The following CNTN6 variants were observed in gnomAD, a reference collection of about 807,000 sequenced individuals.
The protein encoded by CNTN6 is contactin 6, also known as contactin-6.
In CNTN6, 137 loss-of-function variants were observed where a neutral mutation model predicts 122.8. The ratio of observed to expected loss-of-function variants is 1.12; its 90% confidence interval spans 0.97 to 1.29. The LOEUF (loss-of-function observed/expected upper bound fraction) is 1.29, where lower values mean the gene tolerates loss of function less well. CNTN6 is among the 50% of genes most tolerant of loss of function. The pLI is 0.00. For synonymous variants in CNTN6, 570 were observed against 426.0 expected, an observed-to-expected ratio of 1.34 and a Z score of -4.16; for missense variants, 1,634 against 1,223.4, an observed-to-expected ratio of 1.34 and a Z score of -5.01.
chr3:1,189,454 T>C (rs2093671189), intron 2 of CNTN6, among the ~76,000 whole-genome samples: 1 of 152,228 alleles, frequency 6.6e-6, no homozygotes, highest in Admixed American at 6.5e-5. Context: ...TTTGCAGAAG[T>C]TGATAACGCA....
chr3:1,328,105 G>A (rs1008240119), intron 10 of CNTN6, among the ~76,000 whole-genome samples: 5 of 149,282 alleles, frequency 3.3e-5, no homozygotes, highest in Non-Finnish European at 7.5e-5. Flanking sequence ...GCAGAAGAGC[G>A]AGGTTACAGA....
rs936238257 is a variant in CNTN6, at chr3:1,250,737, T to A, written c.358+22744T>A. ...AAACCAAAATCAATAATTAGCAAAATCTTTGCACACTTAAAGTTTTCCCTG... is the reference window on the plus strand; with the variant it reads ...AAACCAAAATCAATAATTAGCAAAAACTTTGCACACTTAAAGTTTTCCCTG... On this transcript the variant is annotated intron_variant, in intron 4 of 22. Coordinates refer to ENST00000446702, the MANE Select transcript of CNTN6 (RefSeq NM_001289080.2). Among the ~76,000 whole-genome samples the A allele has an allele frequency of 3.9e-5, 6 of 152,232 alleles. No individual in the cohort carries two copies. In the East Asian group the frequency reaches 1.2e-3, roughly 29 times the overall value.
chr3:1,213,436 G>A (rs1307057014), intron 2 of CNTN6, among the ~76,000 whole-genome samples: 4 of 151,540 alleles, frequency 2.6e-5, no homozygotes, highest in Non-Finnish European at 4.4e-5. Context: ...TACCATCTCA[G>A]CGTATTTATT....
chr3:1,262,162 C>T (rs559797507), intron 4 of CNTN6, among the ~76,000 whole-genome samples: 2 of 152,058 alleles, frequency 1.3e-5, no homozygotes, highest in Non-Finnish European at 2.9e-5. Context: ...TACAGATGTG[C>T]GGCATTAAAC....
chr3:1,178,091 G>A (rs1158771276), intron 2 of CNTN6, among the ~76,000 whole-genome samples: 1 of 151,934 alleles, frequency 6.6e-6, no homozygotes, highest in Non-Finnish European at 1.5e-5. Flanking sequence ...AGTAGAGGCA[G>A]GGTTTCACCA....
chr3:1,202,403 G>A lies in CNTN6; in HGVS notation c.56-18284G>A, dbSNP rs967928495. On this transcript the variant is annotated intron_variant, in intron 2 of 22. Coordinates refer to ENST00000446702, the MANE Select transcript of CNTN6 (RefSeq NM_001289080.2). ...AAAATACAAGAAATCAGCCGGGCGT[G>A]GTGGCGGGCGCCTGTAGTCCCAGCT... Among the ~76,000 whole-genome samples, 8 of 149,362 alleles carry A rather than the reference G, an allele frequency of 5.4e-5. No individual in the cohort carries two copies. In the East Asian group the frequency reaches 5.8e-4, roughly 11 times the overall value.
At chr3:1,181,743 G>A (rs2093557442) in intron 2 of CNTN6, among the ~76,000 whole-genome samples, 1 of 152,122 alleles carries the variant, frequency 6.6e-6, no homozygotes, top group Admixed American at 6.6e-5. Flanking sequence ...GGCTTAAACA[G>A]CTAGGTTATT....
At chr3:1,311,199 T>A (rs1699183890) in intron 7 of CNTN6, among the ~76,000 whole-genome samples, 1 of 144,376 alleles carries the variant, frequency 6.9e-6, no homozygotes, top group South Asian at 2.2e-4. Context: ...ATATAGGTGT[T>A]GTATATATAA....
At chr3:1,342,442 A>G (rs1022912175) in intron 11 of CNTN6, among the ~76,000 whole-genome samples, 4 of 152,114 alleles carry the variant, frequency 2.6e-5, no homozygotes, top group African/African-American at 7.2e-5. Context: ...TGTTTCTTTT[A>G]TAAGCACTTG....
intron 5 of CNTN6, among the ~76,000 whole-genome samples, chr3:1,292,310 T>C (rs1307816373): frequency 6.6e-6 from 1 of 152,174 alleles, no homozygotes; most frequent in Non-Finnish European, 1.5e-5. Context: ...AGAATCTTTT[T>C]TTCCAGAGGC....
intron 4 of CNTN6, among the ~76,000 whole-genome samples, chr3:1,252,421 C>T (rs1334177571): frequency 1.3e-5 from 2 of 152,106 alleles, no homozygotes; most frequent in South Asian, 2.1e-4. Context: ...AATAATATCA[C>T]CTGAGCCAGA....
chr3:1,303,931 G>A (rs1008959781), intron 7 of CNTN6, among the ~76,000 whole-genome samples: 2 of 152,060 alleles, frequency 1.3e-5, no homozygotes, highest in Admixed American at 1.3e-4. Flanking sequence ...TTCTTCTCTG[G>A]CATAGTGGAG....
chr3:1,245,953 A>C, intron 4 of CNTN6, among the ~76,000 whole-genome samples: 1 of 152,142 alleles, frequency 6.6e-6, no homozygotes, highest in East Asian at 1.9e-4. Context: ...ACGTTTTAAG[A>C]AAATGTATGA....
At chr3:1,176,334 T>A (rs1334257826) in intron 2 of CNTN6, among the ~76,000 whole-genome samples, 1 of 152,150 alleles carries the variant, frequency 6.6e-6, no homozygotes, top group Non-Finnish European at 1.5e-5. Flanking sequence ...CGAGAATCAC[T>A]TGAACCTGGG....
intron 5 of CNTN6, among the ~76,000 whole-genome samples, chr3:1,290,829 A>T (rs1695200875): frequency 6.6e-6 from 1 of 152,184 alleles, no homozygotes. Context: ...CAGTGAGGAC[A>T]GCCAGAGGTC....
intron 1 of CNTN6, among the ~76,000 whole-genome samples, chr3:1,102,459 G>A (rs566991895): frequency 2.0e-5 from 3 of 152,236 alleles, no homozygotes; most frequent in Non-Finnish European, 4.4e-5. Flanking sequence ...TGCCGGGCGC[G>A]GTGGCTCCCG....
intron 19 of CNTN6, among the ~76,000 whole-genome samples, chr3:1,384,770 C>CAT (rs1692562166): frequency 4.7e-5 from 6 of 127,240 alleles, no homozygotes; most frequent in East Asian, 4.8e-4. Context: ...CATATATATA[C>CAT]ACATATATAT....
intron 7 of CNTN6, among the ~76,000 whole-genome samples, chr3:1,314,134 C>T (rs1218495019): frequency 1.3e-5 from 2 of 151,996 alleles, no homozygotes; most frequent in African/African-American, 2.4e-5. Flanking sequence ...TCTCTTTTTC[C>T]GTAACAGTGA....
intron 12 of CNTN6, among the ~76,000 whole-genome samples, chr3:1,364,040 C>T (rs1306248589): frequency 2.0e-5 from 3 of 151,858 alleles, no homozygotes; most frequent in Admixed American, 2.0e-4. Flanking sequence ...TACCTATTGG[C>T]TATTTGTATG....
Sources: gnomAD v4.1 joint callset for allele counts (sites outside exome capture counted in the v4.1 genomes callset) on GRCh38, gnomAD v4.1.1 for gene constraint, MANE v1.5 for transcripts, NCBI Gene and HGNC (gene_info 2026-07-23, HGNC 2026-07-21) for gene names.